Variants in PTPRD observed in about 807,000 individuals in gnomAD.
PTPRD encodes receptor-type tyrosine-protein phosphatase delta.
In PTPRD, 34 loss-of-function variants were observed where a neutral mutation model predicts 214.5. That is an observed-to-expected ratio of 0.16 (90% CI 0.12 to 0.21). The LOEUF is 0.21. Ranked by LOEUF, PTPRD falls within the 10% of genes least tolerant of loss-of-function variation. The probability of loss-of-function intolerance (pLI) is 1.00; values close to 1 mark genes in which losing one functional copy is unlikely to be tolerated. For synonymous variants in PTPRD, 1,128 were observed against 845.7 expected, an observed-to-expected ratio of 1.33 and a Z score of -5.79; for missense variants, 2,545 against 2,398.7, an observed-to-expected ratio of 1.06 and a Z score of -1.27.
At chr9:9,618,106 A>G (rs1202248880) in intron 7 of PTPRD, among the ~76,000 whole-genome samples, 3 of 110,380 alleles carry the variant, frequency 2.7e-5, no homozygotes, top group Non-Finnish European at 5.6e-5. Context: ...AAAAAAAAAG[A>G]TTTTGTCTTC....
chr9:9,787,326 C>T (rs1348579741), intron 5 of PTPRD, among the ~76,000 whole-genome samples: 2 of 150,750 alleles, frequency 1.3e-5, no homozygotes, highest in Non-Finnish European at 2.9e-5. Context: ...TTGTCAGCTT[C>T]CAGGTAAAGG....
At chr9:10,054,500 A>G (rs1329202439) in intron 3 of PTPRD, among the ~76,000 whole-genome samples, 1 of 152,154 alleles carries the variant, frequency 6.6e-6, no homozygotes, top group African/African-American at 2.4e-5. Flanking sequence ...TTCTTAGAGC[A>G]CTTACTTTAG....
At chr9:8,819,962 T>C (rs1332992560) in intron 11 of PTPRD, among the ~76,000 whole-genome samples, 1 of 152,066 alleles carries the variant, frequency 6.6e-6, no homozygotes, top group Non-Finnish European at 1.5e-5. Flanking sequence ...GACAATTGAG[T>C]TGAGTGCCCT....
At chr9:10,550,190 C>G (rs2060999201) in intron 2 of PTPRD, among the ~76,000 whole-genome samples, 1 of 152,220 alleles carries the variant, frequency 6.6e-6, no homozygotes, top group South Asian at 2.1e-4. Context: ...CTACAGTTTC[C>G]TATTCCAAAC....
At chr9:8,362,260 C>A (rs1233280136) in intron 39 of PTPRD, among the ~76,000 whole-genome samples, 1 of 152,172 alleles carries the variant, frequency 6.6e-6, no homozygotes, top group Non-Finnish European at 1.5e-5. Flanking sequence ...TTACTAAATT[C>A]TGGAAGAGGT....
At chr9:8,902,294 C>A (rs1183685293) in intron 11 of PTPRD, among the ~76,000 whole-genome samples, 1 of 151,932 alleles carries the variant, frequency 6.6e-6, no homozygotes, top group East Asian at 1.9e-4. Context: ...ATGACCCAAC[C>A]CAGATTTATT....
intron 3 of PTPRD, among the ~76,000 whole-genome samples, chr9:10,107,898 C>T (rs970607324): frequency 6.6e-6 from 1 of 152,222 alleles, no homozygotes; most frequent in South Asian, 2.1e-4. Flanking sequence ...TACTCACAAA[C>T]ATTATACTTT....
intron 44 of PTPRD, 105 bp from the exon 45 acceptor site, chr9:8,320,071 C>G (rs1825828619): frequency 1.5e-6 from 2 of 1,355,176 alleles, no homozygotes. Flanking sequence ...CTCCGTATCT[C>G]TTTATAGCCA....
chr9:8,640,053 C>T (rs1000813055), intron 12 of PTPRD, among the ~76,000 whole-genome samples: 6 of 152,098 alleles, frequency 3.9e-5, no homozygotes, highest in African/African-American at 1.4e-4. Context: ...ACCTTAGCAT[C>T]CAGAGTGGCT....
chr9:10,422,918 C>A (rs977285098), intron 2 of PTPRD, among the ~76,000 whole-genome samples: 3 of 152,030 alleles, frequency 2.0e-5, no homozygotes, highest in African/African-American at 7.2e-5. Context: ...GGATCTAGAA[C>A]TAGAAATACC....
rs111808325 is a variant in PTPRD, at chr9:9,402,958, A to G, written c.-236-5476T>C. Among the ~76,000 whole-genome samples the G allele has an allele frequency of 4.6e-3, 571 of 123,440 alleles. 7 individuals carry two copies. The highest frequency in any genetic ancestry group is 0.017 in the African/African-American group (525 of 31,104). 81.0% of individuals were successfully genotyped at this position (123,440 alleles called of 152,430 possible). A position where few individuals can be genotyped will look rare whatever the true frequency, so the allele number is the denominator to read the frequency against. On this transcript the variant is annotated intron_variant, in intron 8 of 45. Transcript: ENST00000381196. ...CGGTGAGATGGTTCAACATTTGTCT[A>G]ATAGGGAGAAAAAAAAAAAAAAAAA...
At chr9:10,332,689 G>C (rs2096773389) in intron 3 of PTPRD, among the ~76,000 whole-genome samples, 1 of 151,564 alleles carries the variant, frequency 6.6e-6, no homozygotes, top group Non-Finnish European at 1.5e-5. Flanking sequence ...AGAAAACCGA[G>C]ACCTGAAAAA....
At chr9:10,282,859 T>A (rs533817202) in intron 3 of PTPRD, among the ~76,000 whole-genome samples, 10 of 152,264 alleles carry the variant, frequency 6.6e-5, no homozygotes, top group African/African-American at 2.2e-4. Context: ...AAGCATACCC[T>A]GATACACGTG....
chr9:10,067,069 G>A (rs1233084164), intron 3 of PTPRD, among the ~76,000 whole-genome samples: 1 of 151,912 alleles, frequency 6.6e-6, no homozygotes, highest in African/African-American at 2.4e-5. Context: ...TGAGGGTGAT[G>A]TTGGTGGCAC....
intron 14 of PTPRD, among the ~76,000 whole-genome samples, chr9:8,529,286 G>A (rs2075057719): frequency 6.6e-6 from 1 of 151,970 alleles, no homozygotes; most frequent in African/African-American, 2.4e-5. Flanking sequence ...GCAGAAGCTA[G>A]GTCACGCTAT....
chr9:9,812,045 G>A (rs919963574), intron 5 of PTPRD, among the ~76,000 whole-genome samples: 1 of 152,130 alleles, frequency 6.6e-6, no homozygotes. Context: ...GAGGCAAGAC[G>A]CTTCATAAGC....
At chr9:8,741,906 T>A (rs981591282) in intron 11 of PTPRD, among the ~76,000 whole-genome samples, 7 of 152,184 alleles carry the variant, frequency 4.6e-5, no homozygotes, top group African/African-American at 1.4e-4. Flanking sequence ...TCTTTTTTTA[T>A]GTTAAATAAT....
chr9:9,695,840 G>A (rs886340948), intron 7 of PTPRD, among the ~76,000 whole-genome samples: 1 of 152,120 alleles, frequency 6.6e-6, no homozygotes, highest in Admixed American at 6.6e-5. Context: ...TGTTTATCAG[G>A]AATATTGACC....
intron 5 of PTPRD, among the ~76,000 whole-genome samples, chr9:9,769,796 T>TC (rs1361412747): frequency 6.6e-6 from 1 of 152,066 alleles, no homozygotes; most frequent in Non-Finnish European, 1.5e-5. Flanking sequence ...TGTGTGATGT[T>TC]CCCCTCCCTG....
Sources: allele counts gnomAD v4.1 joint callset (sites outside exome capture counted in the v4.1 genomes callset), GRCh38; gene constraint gnomAD v4.1.1; transcripts MANE v1.5; gene names NCBI Gene and HGNC (gene_info 2026-07-23, HGNC 2026-07-21).